GHR: variants seen among roughly 807,000 people sequenced by gnomAD.
The protein encoded by GHR is growth hormone receptor.
Under a neutral mutation model 67.1 loss-of-function variants are expected in GHR, and 35 were observed. The observed-to-expected ratio is 0.52, with a 90% CI of 0.40 to 0.69. The LOEUF (loss-of-function observed/expected upper bound fraction) is 0.69. GHR is among the 30% of genes least tolerant of loss of function. The pLI, the probability that GHR is intolerant of heterozygous loss-of-function variation, is 0.00. For missense variants in GHR, 792 were observed against 764.6 expected (o/e 1.04, Z -0.42); for synonymous variants, 272 against 269.1 (o/e 1.01, Z -0.10).
At chr5:42,466,005 CTTCT>C in intron 1 of GHR, 1 of 582,832 alleles carries the variant, frequency 1.7e-6, no homozygotes, top group South Asian at 2.2e-5. Flanking sequence ...CTTATTCCTT[CTTCT>C]TTTTGTGTTT....
At chr5:42,512,789 C>A (rs1747074009) in intron 1 of GHR, among the ~76,000 whole-genome samples, 1 of 145,452 alleles carries the variant, frequency 6.9e-6, no homozygotes, top group South Asian at 2.2e-4. Context: ...CACAAGTAAC[C>A]ATTCAGTAAC....
chr5:42,672,030 CACA>C (rs1455723787), intron 3 of GHR, among the ~76,000 whole-genome samples: 7 of 151,554 alleles, frequency 4.6e-5, no homozygotes, highest in Admixed American at 1.3e-4. Context: ...GTGACAAACC[CACA>C]ACAACATAAT....
At chr5:42,665,038 C>A (rs1209714938) in intron 3 of GHR, among the ~76,000 whole-genome samples, 1 of 152,208 alleles carries the variant, frequency 6.6e-6, no homozygotes, top group Non-Finnish European at 1.5e-5. Flanking sequence ...ATCAAAACCA[C>A]AATGAGATAC....
chr5:42,549,745 A>G, intron 1 of GHR: 6 of 757,310 alleles, frequency 7.9e-6, no homozygotes, highest in Non-Finnish European at 9.7e-6. Context: ...GTACCTCTCT[A>G]AAAGTACTGG....
intron 8 of GHR, among the ~76,000 whole-genome samples, chr5:42,717,820 A>T (rs901753886): frequency 6.6e-6 from 1 of 152,130 alleles, no homozygotes. Context: ...CTTTTAATAG[A>T]CTTCAGATGA....
chr5:42,468,064 G>A (rs1579754628), intron 1 of GHR: 1 of 918,860 alleles, frequency 1.1e-6, no homozygotes, highest in East Asian at 2.4e-5. Context: ...ATATGATGCG[G>A]GGGTTTTCAG....
intron 1 of GHR, chr5:42,548,556 T>G: frequency 1.1e-6 from 1 of 931,526 alleles, no homozygotes; most frequent in Non-Finnish European, 1.3e-6. Context: ...TGTTACTTAT[T>G]GTTTGATTAA....
chr5:42,537,176 G>C (rs1032470715), intron 1 of GHR, among the ~76,000 whole-genome samples: 1 of 151,328 alleles, frequency 6.6e-6, no homozygotes, highest in African/African-American at 2.4e-5. Context: ...CTCTGTTCTT[G>C]GTTATGTCCT....
intron 2 of GHR, among the ~76,000 whole-genome samples, chr5:42,569,736 T>G (rs1750170447): frequency 6.6e-6 from 1 of 152,130 alleles, no homozygotes; most frequent in African/African-American, 2.4e-5. Context: ...CATATACATA[T>G]ACATGTATAT....
chr5:42,718,935 C>G lies in GHR; in HGVS notation c.1428C>G (p.Ser476Arg). The G allele has an allele frequency of 6.2e-7, 1 of 1,614,060 alleles. No individual in the cohort carries two copies. The change falls in exon 10 of 10, where the codon AGC becomes AGG. Residue 476 changes from serine (S) to arginine (R), a missense_variant. Physicochemically the swap from Ser to Arg is moderately radical, Grantham distance 110. Coordinates refer to ENST00000230882, the MANE Select transcript of GHR (RefSeq NM_000163.5). ...STHQAAHIQL[S>R]NPSSLSNIDF... ...ACCAAGCTGCCCATATTCAGCTAAG[C>G]AATCCAAGTTCACTGTCAAACATCG...
intron 2 of GHR, among the ~76,000 whole-genome samples, chr5:42,626,398 AG>A (rs1753705595): frequency 6.6e-6 from 1 of 152,202 alleles, no homozygotes; most frequent in Admixed American, 6.5e-5. Context: ...CTTATTAGAA[AG>A]GATATTACAA....
intron 3 of GHR, among the ~76,000 whole-genome samples, chr5:42,666,521 G>T (rs1156824662): frequency 6.6e-6 from 1 of 152,068 alleles, no homozygotes; most frequent in Non-Finnish European, 1.5e-5. Context: ...TTAGGAAAAA[G>T]ATATTTTTCA....
rs116770201 is a variant in GHR, at chr5:42,608,674, C to A, written c.71-20364C>A. 6.8e-4 allele frequency among the ~76,000 whole-genome samples: 104 copies of A among 152,158 alleles called. No homozygotes were observed. The East Asian group carries it at 8.1e-3, about 12-fold the overall frequency. ...AAATCCTCAGTCTTCATATTTTGAA[C>A]CCTCAAATTAAACTAACCAAAAAGA... is the stretch of plus-strand genomic sequence containing the variant. On this transcript the variant is annotated intron_variant, in intron 2 of 9. Transcript: ENST00000230882.
intron 2 of GHR, among the ~76,000 whole-genome samples, chr5:42,618,334 C>T (rs1414616483): frequency 6.6e-6 from 1 of 152,098 alleles, no homozygotes; most frequent in Non-Finnish European, 1.5e-5. Context: ...AGGGGAGCTG[C>T]ATCAAAGTTT....
chr5:42,570,338 C>G (rs1750219983), intron 2 of GHR, among the ~76,000 whole-genome samples: 1 of 152,232 alleles, frequency 6.6e-6, no homozygotes. Flanking sequence ...TGTACATCAG[C>G]AATCCTCTGT....
At chr5:42,468,963 T>C in intron 1 of GHR, 1 of 402,712 alleles carries the variant, frequency 2.5e-6, no homozygotes, top group East Asian at 4.1e-5. Flanking sequence ...CGAAGAACAA[T>C]TTTTTTGAAA....
intron 2 of GHR, among the ~76,000 whole-genome samples, chr5:42,597,144 A>G (rs569725654): frequency 8.5e-5 from 13 of 152,256 alleles, no homozygotes; most frequent in African/African-American, 3.1e-4. Flanking sequence ...CATGGTGTAA[A>G]TACTCCCAAC....
At chr5:42,625,127 A>G (rs1239242779) in intron 2 of GHR, among the ~76,000 whole-genome samples, 2 of 152,166 alleles carry the variant, frequency 1.3e-5, no homozygotes, top group African/African-American at 4.8e-5. Context: ...GGGAGGAGTT[A>G]CTGAAAAAGT....
intron 3 of GHR, among the ~76,000 whole-genome samples, chr5:42,646,096 T>G (rs1269828157): frequency 6.6e-6 from 1 of 152,218 alleles, no homozygotes; most frequent in African/African-American, 2.4e-5. Context: ...TATCTTCTAT[T>G]CCTCCTGCCC....
Sources: gnomAD v4.1 joint callset for allele counts (sites outside exome capture counted in the v4.1 genomes callset) on GRCh38, gnomAD v4.1.1 for gene constraint, MANE v1.5 for transcripts, NCBI Gene and HGNC (gene_info 2026-07-23, HGNC 2026-07-21) for gene names.